The following ADCY3 variants were observed in gnomAD, a reference collection of about 807,000 sequenced individuals.
ADCY3 encodes the protein adenylate cyclase 3, also known as adenylate cyclase type 3.
A neutral mutation model predicts 119.4 loss-of-function variants in ADCY3; 70 were observed. That is an observed-to-expected ratio of 0.59 (90% CI 0.48 to 0.72). The LOEUF (loss-of-function observed/expected upper bound fraction) is 0.72. Ranked by LOEUF, ADCY3 falls within the 30% of genes least tolerant of loss-of-function variation. ADCY3 has a pLI of 0.00. For missense variants in ADCY3, 1,238 were observed against 1,541.6 expected (o/e 0.80, Z 3.30); for synonymous variants, 672 against 621.4 (o/e 1.08, Z -1.21).
intron 2 of ADCY3, among the ~76,000 whole-genome samples, chr2:24,913,951 C>T (rs552761116): frequency 6.6e-6 from 1 of 152,250 alleles, no homozygotes; most frequent in African/African-American, 2.4e-5. Context: ...GCTAAAGGCA[C>T]GCCCCGCCCA....
intron 3 of ADCY3, among the ~76,000 whole-genome samples, chr2:24,862,590 A>T (rs1412259221): frequency 6.6e-6 from 1 of 151,938 alleles, no homozygotes; most frequent in Non-Finnish European, 1.5e-5. Context: ...AACAAATAAA[A>T]ATCAAGCTCG....
In ADCY3 at chr2:24,918,058, T is replaced by C. The variant is rs180901289; in HGVS notation, c.675+255A>G. Among the ~76,000 whole-genome samples the C allele has an allele frequency of 2.6e-5, 4 of 152,226 alleles. No homozygotes were observed. In the East Asian group the frequency reaches 7.7e-4, roughly 29 times the overall value. ...TGGGTGGGCCTTCCTGTCACACACT[T>C]AGACTGGGCACAGGTGAAGAGTGGC... On this transcript the variant is annotated intron_variant, in intron 2 of 21. Transcript: ENST00000679454. The surrounding 1 kb of genome is among the most constrained non-coding windows in gnomAD (Gnocchi z 5.4).
rs1423665171 is a variant in ADCY3, at chr2:24,872,918, T to C, written c.676-199A>G. ...CACCACATGTACCACGGATGGGTGG[T>C]CCACCCAGGGGCATGGCTCAAGGCC... On this transcript the variant is annotated intron_variant, in intron 2 of 21. Transcript: ENST00000679454. This position sits in a 1 kb window ranked among gnomAD's most constrained non-coding sequence, Gnocchi z 4.4. Among the ~76,000 whole-genome samples, 3 of 152,124 alleles carry C rather than the reference T, an allele frequency of 2.0e-5. No homozygotes were observed. Among genetic ancestry groups the C allele is most frequent in the Non-Finnish European group, 2.9e-5 (2 of 68,014 alleles).
chr2:24,892,367 G>T (rs1333144607), intron 2 of ADCY3, among the ~76,000 whole-genome samples: 4 of 151,758 alleles, frequency 2.6e-5, no homozygotes, highest in Non-Finnish European at 5.9e-5. Flanking sequence ...TCCTGCCTCA[G>T]CCTCCCAAGT....
intron 3 of ADCY3, among the ~76,000 whole-genome samples, chr2:24,862,285 G>T (rs972453099): frequency 6.6e-6 from 1 of 152,178 alleles, no homozygotes; most frequent in African/African-American, 2.4e-5. Flanking sequence ...GGTGGCTCAC[G>T]CCTGTAATCC....
chr2:24,841,275 T>C lies in ADCY3; in HGVS notation c.1180A>G (p.Met394Val), dbSNP rs751910644. The change falls in exon 6 of 22, where the codon ATG becomes GTG. Residue 394 changes from methionine to valine, a missense_variant. By Grantham distance (21) the Met-to-Val change is conservative. Around this residue, in one of 7 missense-constraint regions of ADCY3, gnomAD observed 283 missense variants for 437.2 expected, o/e 0.65. Transcript: ENST00000679454. This position sits in a 1 kb window ranked among gnomAD's most constrained non-coding sequence, Gnocchi z 5.8. ...AVCSILMGLA[M>V]VEAISYVREK... ...CCCACTTACGAGATGGCCTCCACCA[T>C]GGCCAGCCCCATGAGGATGGAGCAG... The C allele has an allele frequency of 4.5e-6, 7 of 1,564,230 alleles. No homozygotes were observed. The highest frequency in any genetic ancestry group is 6.1e-6 in the Non-Finnish European group (7 of 1,154,884).
At position 24,820,861 on chromosome 2, in the gene ADCY3, C is replaced by T. The variant is rs374822419; in HGVS notation, c.3128-13G>A. On this transcript the variant is annotated splice_polypyrimidine_tract_variant and intron_variant, in intron 20 of 21. Coordinates refer to ENST00000679454, the MANE Select transcript of ADCY3 (RefSeq NM_004036.5). ...CCTTTGTTCATGCCTAGGGTAGAGG[C>T]ATAAAGTTCAGCACAGCCACAGGCC... The T allele has an allele frequency of 1.2e-6, 2 of 1,613,032 alleles. No homozygotes were observed. The highest frequency in any genetic ancestry group is 2.7e-5 in the African/African-American group (2 of 74,898).
Position 24,891,609 on chromosome 2 carries a change from C to T in ADCY3, c.676-18890G>A, listed in dbSNP as rs532655347. Among the ~76,000 whole-genome samples the T allele has an allele frequency of 3.3e-5, 5 of 152,304 alleles. No homozygotes were observed. In the South Asian group the frequency reaches 1.0e-3, roughly 32 times the overall value. On this transcript the variant is annotated intron_variant, in intron 2 of 21. Coordinates refer to ENST00000679454, the MANE Select transcript of ADCY3 (RefSeq NM_004036.5). Reference sequence around the variant, plus strand: ...AAAATTTCTCAACCAAAGGAAAGATCATACGTTGAGGTGGCGAAGATCTAG... The same window carrying T: ...AAAATTTCTCAACCAAAGGAAAGATTATACGTTGAGGTGGCGAAGATCTAG...
intron 12 of ADCY3, 53 bp downstream of exon 12, chr2:24,831,609 G>A (rs1669517484): frequency 7.2e-7 from 1 of 1,382,232 alleles, no homozygotes; most frequent in Admixed American, 1.7e-5. Context: ...GTTTTACAGG[G>A]AGTGCCACTC....
intron 2 of ADCY3, among the ~76,000 whole-genome samples, chr2:24,880,935 A>C (rs1676323157): frequency 6.6e-6 from 1 of 151,912 alleles, no homozygotes; most frequent in African/African-American, 2.4e-5. Flanking sequence ...GAATCGCTTG[A>C]ACCCGGGAGG....
chr2:24,909,015 C>T (rs1357777852), intron 2 of ADCY3, among the ~76,000 whole-genome samples: 5 of 152,134 alleles, frequency 3.3e-5, no homozygotes, highest in African/African-American at 4.8e-5. Context: ...ACTTAAATGC[C>T]GATGATTCTC....
intron 21 of ADCY3, 53 bp downstream of exon 21, chr2:24,820,671 G>GT: frequency 6.2e-7 from 1 of 1,609,784 alleles, no homozygotes; most frequent in Non-Finnish European, 8.5e-7. Context: ...CACTGTTCCG[G>GT]TTTTGTTCTC....
chr2:24,852,691 C>T (rs922293978), intron 3 of ADCY3, among the ~76,000 whole-genome samples: 5 of 152,268 alleles, frequency 3.3e-5, no homozygotes, highest in Non-Finnish European at 7.3e-5. Context: ...CCAGCAGACG[C>T]CTGCCTGCCT....
Position 24,899,496 on chromosome 2 carries a change from T to C in ADCY3, c.675+18817A>G, listed in dbSNP as rs1192929132. ...TCCTGCCCAGTAGGCCCTTGAAAGA[T>C]GCCTTCTTGCTGCTGCAGATGGAAG... On this transcript the variant is annotated intron_variant, in intron 2 of 21. Transcript: ENST00000679454. The surrounding 1 kb of genome is among the most constrained non-coding windows in gnomAD (Gnocchi z 4.5). Among the ~76,000 whole-genome samples, 1 of 152,212 alleles carries C rather than the reference T, an allele frequency of 6.6e-6. No homozygotes were observed. Among genetic ancestry groups the C allele is most frequent in the African/African-American group, 2.4e-5 (1 of 41,448 alleles).
At chr2:24,875,058 A>G (rs1189205913) in intron 2 of ADCY3, among the ~76,000 whole-genome samples, 1 of 152,116 alleles carries the variant, frequency 6.6e-6, no homozygotes, top group Non-Finnish European at 1.5e-5. Flanking sequence ...TCCTTGCACA[A>G]GCTCAGTGCT....
rs1291314630 is a variant in ADCY3 at position 24,842,432 on chromosome 2, G to A, written c.826-48C>T. 6.2e-7 allele frequency: 1 copy of A among 1,611,358 alleles called. No individual in the cohort carries two copies. The highest frequency in any genetic ancestry group is 8.5e-7 in the Non-Finnish European group (1 of 1,178,562). On this transcript the variant is annotated intron_variant, in intron 3 of 21. Coordinates refer to ENST00000679454, the MANE Select transcript of ADCY3 (RefSeq NM_004036.5). The surrounding 1 kb of genome is among the most constrained non-coding windows in gnomAD (Gnocchi z 4.9). ...AGAGGCAAAGGTAGGCCCTGCTAGA[G>A]GCAAGTTCAGATACTTCTGGGAAGA...
At position 24,841,966 on chromosome 2, in the gene ADCY3, GCTC is replaced by G; in HGVS notation, c.956+285_956+287del. ...CTTCTTCCTAGAATCACAGGTCAGGGCTCTAGCCCCAGTGCTGGCCCTCAACAG... is the reference window on the plus strand; with the variant it reads ...CTTCTTCCTAGAATCACAGGTCAGGGTAGCCCCAGTGCTGGCCCTCAACAG... On this transcript the variant is annotated intron_variant, in intron 4 of 21. Coordinates refer to ENST00000679454, the MANE Select transcript of ADCY3 (RefSeq NM_004036.5). This position sits in a 1 kb window ranked among gnomAD's most constrained non-coding sequence, Gnocchi z 5.8. Among the ~76,000 whole-genome samples the G allele has an allele frequency of 6.6e-6, 1 of 152,182 alleles. No individual in the cohort carries two copies. The highest frequency in any genetic ancestry group is 1.9e-4 in the East Asian group (1 of 5,194).
intron 3 of ADCY3, among the ~76,000 whole-genome samples, chr2:24,871,348 T>C (rs1674985884): frequency 6.6e-6 from 1 of 152,154 alleles, no homozygotes; most frequent in Non-Finnish European, 1.5e-5. Context: ...AAGGGGCGAA[T>C]ACGATGGGCT....
chr2:24,911,207 T>TATAAG (rs1270521262), intron 2 of ADCY3, among the ~76,000 whole-genome samples: 1 of 148,700 alleles, frequency 6.7e-6, no homozygotes, highest in East Asian at 2.0e-4. Flanking sequence ...CGAGGGAAGA[T>TATAAG]ATAAGGGTTC....
Sources: gnomAD v4.1 joint callset for allele counts (sites outside exome capture counted in the v4.1 genomes callset) on GRCh38, gnomAD v4.1.1 for gene constraint, gnomAD v4.1.1 regional missense constraint, Gnocchi (gnomAD v3.1) non-coding constraint, MANE v1.5 for transcripts, NCBI Gene and HGNC (gene_info 2026-07-23, HGNC 2026-07-21) for gene names.